CAMTA1: variants seen among roughly 807,000 people sequenced by gnomAD.
The protein encoded by CAMTA1 is calmodulin-binding transcription activator 1.
In CAMTA1, 27 loss-of-function variants were observed where a neutral mutation model predicts 170.9. The observed-to-expected ratio is 0.16, with a 90% CI of 0.12 to 0.22. The LOEUF (loss-of-function observed/expected upper bound fraction) is 0.22, where lower values mean the gene tolerates loss of function less well. CAMTA1 is among the 10% of genes least tolerant of loss of function. The pLI, the probability that CAMTA1 is intolerant of heterozygous loss-of-function variation, is 1.00. For synonymous variants in CAMTA1, 833 were observed against 891.5 expected (o/e 0.93, Z 1.17); for missense variants, 1,619 against 2,217.2 (o/e 0.73, Z 5.42).
At chr1:6,816,761 G>A (rs146817021) in intron 1 of CAMTA1, among the ~76,000 whole-genome samples, 1 of 152,304 alleles carries the variant, frequency 6.6e-6, no homozygotes, top group African/African-American at 2.4e-5. Context: ...AGGCCAGCCC[G>A]CCTCCCTCTA....
At chr1:7,741,346 G>A (rs752080393) in intron 16 of CAMTA1, among the ~76,000 whole-genome samples, 5 of 151,950 alleles carry the variant, frequency 3.3e-5, no homozygotes, top group South Asian at 2.1e-4. Flanking sequence ...GGCGGATCAC[G>A]AGGTCAGGAG....
At chr1:7,238,171 T>A (rs1426127561) in intron 4 of CAMTA1, among the ~76,000 whole-genome samples, 2 of 141,316 alleles carry the variant, frequency 1.4e-5, no homozygotes, top group East Asian at 2.1e-4. Flanking sequence ...TTTTTTTTTT[T>A]AAAGCAAAAA....
At chr1:7,257,399 G>A (rs1038069875) in intron 5 of CAMTA1, among the ~76,000 whole-genome samples, 8 of 152,162 alleles carry the variant, frequency 5.3e-5, no homozygotes, top group Admixed American at 3.9e-4. Flanking sequence ...CTGCATAACT[G>A]GCTGTCACTC....
Position 7,455,613 on chromosome 1 carries a change from C to T in CAMTA1, c.439-12217C>T, listed in dbSNP as rs1169069574. ...AATCCCTGCCCAGACTCCCTGGCCA[C>T]ATGCAGCCGCACATGTTGGAGTGTG... On this transcript the variant is annotated intron_variant, in intron 5 of 22. Coordinates refer to ENST00000303635, the MANE Select transcript of CAMTA1 (RefSeq NM_015215.4). This position sits in a 1 kb window ranked among gnomAD's most constrained non-coding sequence, Gnocchi z 5.0. 2.0e-5 allele frequency among the ~76,000 whole-genome samples: 3 copies of T among 152,230 alleles called. No homozygotes were observed. The highest frequency in any genetic ancestry group is 4.4e-5 in the Non-Finnish European group (3 of 68,048).
chr1:7,418,144 C>T (rs1158455692), intron 5 of CAMTA1, among the ~76,000 whole-genome samples: 1 of 152,124 alleles, frequency 6.6e-6, no homozygotes, highest in South Asian at 2.1e-4. Flanking sequence ...TTTCTCCCCG[C>T]TCTGGGATTC....
At chr1:7,348,327 G>A (rs1344625364) in intron 5 of CAMTA1, among the ~76,000 whole-genome samples, 1 of 152,206 alleles carries the variant, frequency 6.6e-6, no homozygotes, top group African/African-American at 2.4e-5. Flanking sequence ...TGCCCATGCT[G>A]TTTCCCAGTT....
At chr1:7,708,512 C>T (rs1014404197) in intron 11 of CAMTA1, among the ~76,000 whole-genome samples, 3 of 152,128 alleles carry the variant, frequency 2.0e-5, no homozygotes, top group East Asian at 3.9e-4. Flanking sequence ...AAGAAAAAGA[C>T]AGTGGAGGGG....
rs375173442 is a variant in CAMTA1 at position 7,093,546 on chromosome 1, A to T, written c.302+2175A>T. Among the ~76,000 whole-genome samples, 118 of 152,314 alleles carry T rather than the reference A, an allele frequency of 7.7e-4. No individual in the cohort carries two copies. In the South Asian group the frequency reaches 0.024, roughly 31 times the overall value. The stretch of plus-strand genomic sequence containing the variant: ...TCCTGGGCCAGACATCTGATTTCAG[A>T]TACGCAGACCCGTGCTGGGTTTCAG... On this transcript the variant is annotated intron_variant, in intron 4 of 22. Coordinates refer to ENST00000303635, the MANE Select transcript of CAMTA1 (RefSeq NM_015215.4). This position sits in a 1 kb window ranked among gnomAD's most constrained non-coding sequence, Gnocchi z 4.6.
rs143723095 is a variant in CAMTA1 at position 7,325,850 on chromosome 1, TTTTGTTTGTTTG to T, written c.438+76236_438+76247del. ...GGTTTGGTTTGTTGTTGGTGGGTTT[TTTTGTTTGTTTG>T]TTTGTTTGTTTTATGAGGCAGAGTC... is the stretch of plus-strand genomic sequence containing the variant. On this transcript the variant is annotated intron_variant, in intron 5 of 22. Coordinates refer to ENST00000303635, the MANE Select transcript of CAMTA1 (RefSeq NM_015215.4). This position sits in a 1 kb window ranked among gnomAD's most constrained non-coding sequence, Gnocchi z 5.0. 6.6e-6 allele frequency among the ~76,000 whole-genome samples: 1 copy of T among 151,606 alleles called. No individual in the cohort carries two copies.
intron 5 of CAMTA1, among the ~76,000 whole-genome samples, chr1:7,457,087 A>C (rs2693954): frequency 9.0e-6 from 1 of 110,774 alleles, no homozygotes; most frequent in East Asian, 2.7e-4. Context: ...CCCTGCGCCA[A>C]CGTGCCCCTC....
At chr1:6,980,459 A>G (rs908935956) in intron 3 of CAMTA1, among the ~76,000 whole-genome samples, 1 of 152,126 alleles carries the variant, frequency 6.6e-6, no homozygotes, top group African/African-American at 2.4e-5. Context: ...ACAGATCTTC[A>G]TTCTTCATGG....
At chr1:7,097,705 A>T (rs1642238047) in intron 4 of CAMTA1, among the ~76,000 whole-genome samples, 1 of 152,258 alleles carries the variant, frequency 6.6e-6, no homozygotes, top group Non-Finnish European at 1.5e-5. Flanking sequence ...ACCTGCTGCA[A>T]CCTGGATGAA....
At chr1:7,403,081 G>A (rs762852174) in intron 5 of CAMTA1, among the ~76,000 whole-genome samples, 21 of 152,264 alleles carry the variant, frequency 1.4e-4, no homozygotes, top group South Asian at 6.2e-4. Flanking sequence ...ACCCAGGCGC[G>A]GTGGCTCACG....
chr1:7,707,350 G>C (rs752317315), intron 11 of CAMTA1, among the ~76,000 whole-genome samples: 1 of 152,110 alleles, frequency 6.6e-6, no homozygotes, highest in Non-Finnish European at 1.5e-5. Context: ...TTAAAGCATT[G>C]GTTGATATGA....
intron 3 of CAMTA1, among the ~76,000 whole-genome samples, chr1:6,892,774 G>A (rs377303991): frequency 2.6e-5 from 4 of 152,058 alleles, no homozygotes; most frequent in African/African-American, 9.6e-5. Context: ...AAAAATGTGG[G>A]TTCAGAGGAG....
Position 6,957,796 on chromosome 1 carries a change from G to A in CAMTA1, c.234+132586G>A, listed in dbSNP as rs1484751703. ...ATTCACAGGTTTTGAGGATTATGAC[G>A]TGGACATCTTTAGGGGGCCATTATT... On this transcript the variant is annotated intron_variant, in intron 3 of 22. Coordinates refer to ENST00000303635, the MANE Select transcript of CAMTA1 (RefSeq NM_015215.4). Among the ~76,000 whole-genome samples the A allele has an allele frequency of 5.9e-5, 9 of 152,152 alleles. No individual in the cohort carries two copies. The South Asian group carries it at 1.2e-3, about 21-fold the overall frequency.
chr1:6,978,356 A>C (rs746659763), intron 3 of CAMTA1, among the ~76,000 whole-genome samples: 7 of 152,198 alleles, frequency 4.6e-5, no homozygotes, highest in Non-Finnish European at 1.0e-4. Flanking sequence ...ACACCAGGCC[A>C]GGCACGGTGG....
chr1:7,100,671 C>T (rs1558095900), intron 4 of CAMTA1, among the ~76,000 whole-genome samples: 1 of 152,218 alleles, frequency 6.6e-6, no homozygotes, highest in Non-Finnish European at 1.5e-5. Context: ...CCGACCCACA[C>T]CAAGCCCCGG....
rs571346475 is a variant in CAMTA1, at chr1:7,293,253, G to A, written c.438+43627G>A. Among the ~76,000 whole-genome samples the A allele has an allele frequency of 4.1e-4, 63 of 152,182 alleles. 1 individual carries two copies. Among genetic ancestry groups the A allele is most frequent in the Non-Finnish European group, 8.4e-4 (57 of 68,028 alleles). ...GACCTTGTCTGGGTGATGAGAGACC[G>A]CCACTCGTCTCCAGGAGCTCCCGCC... is the stretch of plus-strand genomic sequence containing the variant. On this transcript the variant is annotated intron_variant, in intron 5 of 22. Transcript: ENST00000303635. This position sits in a 1 kb window ranked among gnomAD's most constrained non-coding sequence, Gnocchi z 4.1.
Sources: allele counts gnomAD v4.1 joint callset (sites outside exome capture counted in the v4.1 genomes callset), GRCh38; gene constraint gnomAD v4.1.1; non-coding constraint Gnocchi (gnomAD v3.1); transcripts MANE v1.5; gene names NCBI Gene and HGNC (gene_info 2026-07-23, HGNC 2026-07-21).